DNAJC6: variants seen among roughly 807,000 people sequenced by gnomAD.
The protein encoded by DNAJC6 is DnaJ heat shock protein family (Hsp40) member C6.
In DNAJC6, 34 loss-of-function variants were observed where a neutral mutation model predicts 110.0. That is an observed-to-expected ratio of 0.31 (90% confidence interval 0.24 to 0.41). The LOEUF is 0.41. DNAJC6 is among the 10% of genes least tolerant of loss of function. DNAJC6 has a pLI of 1.00. For synonymous variants in DNAJC6, 406 were observed against 437.2 expected (o/e 0.93, Z 0.89); for missense variants, 1,031 against 1,207.8 (o/e 0.85, Z 2.17).
intron 5 of DNAJC6, among the ~76,000 whole-genome samples, chr1:65,382,035 AGAG>A (rs1489151036): frequency 1.5e-4 from 23 of 152,342 alleles, no homozygotes; most frequent in African/African-American, 5.5e-4. Context: ...GCAAATGAAG[AGAG>A]GAGATTTTTT....
chr1:65,386,829 A>C lies in DNAJC6; in HGVS notation c.1013A>C (p.Asp338Ala). 6.2e-7 allele frequency: 1 copy of C among 1,614,156 alleles called. No homozygotes were observed. Among genetic ancestry groups the C allele is most frequent in the Non-Finnish European group, 8.5e-7 (1 of 1,180,006 alleles). ...FERMKEYRVQ[D>A]GKIFIPLNIT... ...GTTTACAGAGAATATCGTGTCCAAGATGGAAAAATCTTCATTCCCTTGAAC... is the reference window on the plus strand; with the variant it reads ...GTTTACAGAGAATATCGTGTCCAAGCTGGAAAAATCTTCATTCCCTTGAAC... The change falls in exon 8 of 19, where the codon GAT becomes GCT. Residue 338 changes from aspartate (D) to alanine (A), a missense_variant. By Grantham distance (126) the Asp-to-Ala change is moderately radical. Coordinates refer to ENST00000371069, the MANE Select transcript of DNAJC6 (RefSeq NM_001256864.2).
upstream of DNAJC6, among the ~76,000 whole-genome samples, chr1:65,307,712 TG>T (rs1645057896): frequency 6.6e-6 from 1 of 152,218 alleles, no homozygotes; most frequent in Admixed American, 6.5e-5. Context: ...TAAGATGTTA[TG>T]GGAAAAGATT....
intron 4 of DNAJC6, among the ~76,000 whole-genome samples, chr1:65,372,552 T>C (rs936474731): frequency 4.3e-4 from 66 of 152,186 alleles, no homozygotes; most frequent in Non-Finnish European, 1.2e-4. Flanking sequence ...GACCGCAAGC[T>C]AGCATTTACT....
At chr1:65,302,222 A>G (rs1053726036) in intron 1 of DNAJC6, among the ~76,000 whole-genome samples, 1 of 141,498 alleles carries the variant, frequency 7.1e-6, no homozygotes, top group African/African-American at 2.6e-5. Flanking sequence ...ATATCAATAT[A>G]ATATACTATT....
intron 1 of DNAJC6, among the ~76,000 whole-genome samples, chr1:65,355,003 G>A (rs544516043): frequency 3.9e-5 from 6 of 152,226 alleles, no homozygotes; most frequent in East Asian, 3.9e-4. Context: ...CTGGTTGGGC[G>A]TAGTGGCTGA....
At chr1:65,396,868 C>T (rs891478577) in intron 13 of DNAJC6, among the ~76,000 whole-genome samples, 11 of 152,264 alleles carry the variant, frequency 7.2e-5, no homozygotes, top group Non-Finnish European at 1.3e-4. Context: ...TGAATTAACT[C>T]ATTTTTCCCA....
intron 5 of DNAJC6, 22 bp from the exon 6 acceptor site, chr1:65,384,170 AT>A: frequency 6.9e-7 from 1 of 1,441,816 alleles, no homozygotes; most frequent in Non-Finnish European, 9.1e-7. Context: ...GTTCATAATG[AT>A]TTTATGCATT....
intron 1 of DNAJC6, among the ~76,000 whole-genome samples, chr1:65,325,297 A>G (rs1045360283): frequency 6.6e-6 from 1 of 152,228 alleles, no homozygotes; most frequent in South Asian, 2.1e-4. Context: ...AAAAAGGAAA[A>G]GAAACAAAAG....
At chr1:65,330,926 C>T (rs1234982039) in intron 1 of DNAJC6, among the ~76,000 whole-genome samples, 2 of 152,134 alleles carry the variant, frequency 1.3e-5, no homozygotes, top group Non-Finnish European at 2.9e-5. Flanking sequence ...ATTAGTTTTC[C>T]AGCCAATGTG....
At chr1:65,404,433 C>G (rs1488046572) in intron 15 of DNAJC6, among the ~76,000 whole-genome samples, 2 of 152,090 alleles carry the variant, frequency 1.3e-5, no homozygotes, top group Non-Finnish European at 2.9e-5. Context: ...GTTTTTTTTA[C>G]CCAGCTTTAG....
At chr1:65,381,335 G>A (rs1645820481) in intron 5 of DNAJC6, among the ~76,000 whole-genome samples, 2 of 151,950 alleles carry the variant, frequency 1.3e-5, no homozygotes, top group African/African-American at 4.8e-5. Context: ...ATCACTTGAG[G>A]TCAGGAGTTT....
upstream of DNAJC6, among the ~76,000 whole-genome samples, chr1:65,306,061 T>C (rs1047262506): frequency 6.6e-6 from 1 of 150,682 alleles, no homozygotes; most frequent in Non-Finnish European, 1.5e-5. Context: ...TAAGAATCAA[T>C]CATAGGCAAC....
At chr1:65,391,422 C>G (rs1044841876) in intron 11 of DNAJC6, among the ~76,000 whole-genome samples, 18 of 152,122 alleles carry the variant, frequency 1.2e-4, no homozygotes, top group Non-Finnish European at 2.9e-5. Flanking sequence ...GAAGGTCACT[C>G]CTTCCCCAGA....
At position 65,405,916 on chromosome 1, in the gene DNAJC6, T is replaced by G; in HGVS notation, c.2274T>G (p.Gly758=). ...AACCCACCACACCAACTGGATTGGG[T>G]GGAGGATTCCCGCCTCTCAGCTCGC... The part of the protein sequence containing the change: ...ASKPTTPTGL[G]GGFPPLSSPQ... Residue 758 remains glycine (G), a synonymous_variant, in exon 16 of 19, where the codon GGT becomes GGG. Transcript: ENST00000371069. 1 of 1,613,872 alleles carries G rather than the reference T, an allele frequency of 6.2e-7. No individual in the cohort carries two copies. Among genetic ancestry groups the G allele is most frequent in the Non-Finnish European group, 8.5e-7 (1 of 1,179,838 alleles).
At chr1:65,375,835 T>C (rs1200700424) in intron 4 of DNAJC6, among the ~76,000 whole-genome samples, 1 of 152,236 alleles carries the variant, frequency 6.6e-6, no homozygotes, top group East Asian at 1.9e-4. Flanking sequence ...TCAGTGACAC[T>C]GGCTTGTAGT....
intron 1 of DNAJC6, among the ~76,000 whole-genome samples, chr1:65,316,117 G>A (rs1645146607): frequency 6.6e-6 from 1 of 152,094 alleles, no homozygotes; most frequent in Non-Finnish European, 1.5e-5. Context: ...AAATGAAAAT[G>A]GATCCCCACT....
chr1:65,341,220 C>T (rs1557530696), intron 1 of DNAJC6, among the ~76,000 whole-genome samples: 1 of 152,204 alleles, frequency 6.6e-6, no homozygotes, highest in Non-Finnish European at 1.5e-5. Flanking sequence ...GCTGCATTGC[C>T]TTCTTCCAAT....
At chr1:65,342,904 A>G (rs1356490103) in intron 1 of DNAJC6, among the ~76,000 whole-genome samples, 2 of 152,214 alleles carry the variant, frequency 1.3e-5, no homozygotes, top group African/African-American at 4.8e-5. Flanking sequence ...CTTGATACAG[A>G]TAGAAATTAA....
intron 13 of DNAJC6, among the ~76,000 whole-genome samples, chr1:65,395,868 C>A (rs957105435): frequency 6.6e-6 from 1 of 152,086 alleles, no homozygotes; most frequent in Non-Finnish European, 1.5e-5. Flanking sequence ...TTGATTAAAA[C>A]CGGAGGTCTG....
Sources: allele counts gnomAD v4.1 joint callset (sites outside exome capture counted in the v4.1 genomes callset), GRCh38; gene constraint gnomAD v4.1.1; transcripts MANE v1.5; gene names NCBI Gene and HGNC (gene_info 2026-07-23, HGNC 2026-07-21).